SLC39A10: variants seen among roughly 807,000 people sequenced by gnomAD.
SLC39A10 encodes solute carrier family 39 member 10.
Under a neutral mutation model 65.1 loss-of-function variants are expected in SLC39A10, and 13 were observed. The observed-to-expected ratio is 0.20, with a 90% CI of 0.13 to 0.32. SLC39A10 has a LOEUF of 0.32. SLC39A10 is among the 10% of genes least tolerant of loss of function. The pLI is 1.00. For synonymous variants in SLC39A10, 321 were observed against 342.2 expected (o/e 0.94, Z 0.68); for missense variants, 831 against 1,018.4 (o/e 0.82, Z 2.50).
At chr2:195,653,642 C>T (rs1020090002), upstream of SLC39A10, among the ~76,000 whole-genome samples, 1 of 152,192 alleles carries the variant, frequency 6.6e-6, no homozygotes, top group Non-Finnish European at 1.5e-5. Context: ...CATGTTTAAC[C>T]ATCCATTCCC....
Position 195,680,396 on chromosome 2 carries a change from A to G in SLC39A10, c.354A>G (p.Gln118=), listed in dbSNP as rs1356382115. 6.2e-6 allele frequency: 10 copies of G among 1,614,032 alleles called. No individual in the cohort carries two copies. The African/African-American group carries it at 9.3e-5, about 15-fold the overall frequency. The change falls in exon 2 of 10, where the codon CAA becomes CAG. Residue 118 remains glutamine, a synonymous_variant. Coordinates refer to ENST00000359634, the MANE Select transcript of SLC39A10 (RefSeq NM_020342.3). ...HVSHLDILAV[Q]EGKHFHSHNH... ...CTCATTTAGATATTTTGGCAGTTCA[A>G]GAGGGAAAGCATTTTCACTCACATA...
chr2:195,642,092 C>A (rs574042613), intron 2 of SLC39A10, among the ~76,000 whole-genome samples: 1 of 151,898 alleles, frequency 6.6e-6, no homozygotes, highest in African/African-American at 2.4e-5. Flanking sequence ...ATTGTTTAAC[C>A]CGAGGGTTAT....
At chr2:195,681,186 G>A in intron 2 of SLC39A10, 136 bp downstream of exon 2, 2 of 907,428 alleles carry the variant, frequency 2.2e-6, no homozygotes, top group South Asian at 3.6e-5. Context: ...TGAAATATCA[G>A]GTAATGTTCA....
chr2:195,614,518 C>A (rs1293180763), intron 2 of SLC39A10, among the ~76,000 whole-genome samples: 5 of 152,116 alleles, frequency 3.3e-5, no homozygotes, highest in Non-Finnish European at 5.9e-5. Flanking sequence ...CAACCCTTAC[C>A]CACTTTGAGC....
chr2:195,673,667 T>G (rs1332106340), intron 1 of SLC39A10, among the ~76,000 whole-genome samples: 2 of 152,204 alleles, frequency 1.3e-5, no homozygotes, highest in East Asian at 3.9e-4. Flanking sequence ...GTCCTATCCC[T>G]AATGTTTCTG....
At chr2:195,675,270 A>C (rs1389863602) in intron 1 of SLC39A10, among the ~76,000 whole-genome samples, 2 of 152,108 alleles carry the variant, frequency 1.3e-5, no homozygotes, top group African/African-American at 4.8e-5. Flanking sequence ...TTATCTTGGG[A>C]CTCTGAGGGT....
At chr2:195,694,004 A>G (rs948184037) in intron 3 of SLC39A10, among the ~76,000 whole-genome samples, 2 of 152,166 alleles carry the variant, frequency 1.3e-5, no homozygotes, top group Non-Finnish European at 2.9e-5. Context: ...TTGTGTCACT[A>G]TTATCGCTCA....
chr2:195,722,481 T>A (rs1255054604), intron 8 of SLC39A10, among the ~76,000 whole-genome samples: 3 of 152,212 alleles, frequency 2.0e-5, no homozygotes, highest in African/African-American at 7.2e-5. Flanking sequence ...AGTTTTTGCC[T>A]TAAGGCACAG....
intron 1 of SLC39A10, among the ~76,000 whole-genome samples, chr2:195,664,669 A>C (rs1370509665): frequency 6.6e-6 from 1 of 152,162 alleles, no homozygotes; most frequent in Non-Finnish European, 1.5e-5. Flanking sequence ...TTTATTTAAA[A>C]ATTTATAATA....
intron 1 of SLC39A10, among the ~76,000 whole-genome samples, chr2:195,662,262 C>G (rs1315281924): frequency 6.7e-6 from 1 of 149,438 alleles, no homozygotes; most frequent in East Asian, 1.9e-4. Flanking sequence ...ATGTATCCTA[C>G]TGTGGTGTTC....
chr2:195,617,513 G>T (rs964768336), intron 2 of SLC39A10, among the ~76,000 whole-genome samples: 2 of 151,914 alleles, frequency 1.3e-5, no homozygotes, highest in African/African-American at 4.8e-5. Flanking sequence ...AGTGAGCCGG[G>T]ATTGTGCCAC....
intron 9 of SLC39A10, among the ~76,000 whole-genome samples, chr2:195,731,315 G>A (rs576644709): frequency 1.3e-5 from 2 of 152,214 alleles, no homozygotes; most frequent in South Asian, 2.1e-4. Flanking sequence ...TTTTCCTGCA[G>A]ACGTCCTCAT....
chr2:195,696,606 G>A (rs897114087), intron 3 of SLC39A10, among the ~76,000 whole-genome samples: 10 of 151,992 alleles, frequency 6.6e-5, no homozygotes, highest in African/African-American at 2.2e-4. Flanking sequence ...AACGTGGGGG[G>A]ATTAGCAGTG....
At chr2:195,630,488 C>G (rs887175770) in intron 2 of SLC39A10, among the ~76,000 whole-genome samples, 4 of 152,136 alleles carry the variant, frequency 2.6e-5, no homozygotes, top group African/African-American at 9.7e-5. Flanking sequence ...GACATCAGCA[C>G]TCCTTTGCCC....
At chr2:195,695,936 T>G (rs2105794432) in intron 3 of SLC39A10, among the ~76,000 whole-genome samples, 1 of 152,322 alleles carries the variant, frequency 6.6e-6, no homozygotes, top group East Asian at 1.9e-4. Flanking sequence ...ATTTAGGTAT[T>G]TGATTCATTT....
chr2:195,633,745 G>A (rs936193323), intron 2 of SLC39A10, among the ~76,000 whole-genome samples: 2 of 152,120 alleles, frequency 1.3e-5, no homozygotes, highest in Admixed American at 6.6e-5. Flanking sequence ...CTGAAGTCCC[G>A]CTGTCGAGCT....
chr2:195,649,050 T>C (rs920536249), intron 2 of SLC39A10, among the ~76,000 whole-genome samples: 1 of 152,146 alleles, frequency 6.6e-6, no homozygotes, highest in African/African-American at 2.4e-5. Context: ...AAGCCAAGCA[T>C]GATGGGTCGC....
intron 2 of SLC39A10, among the ~76,000 whole-genome samples, chr2:195,640,169 G>A (rs1297551269): frequency 1.3e-5 from 2 of 152,090 alleles, no homozygotes; most frequent in Admixed American, 6.5e-5. Context: ...ACAGTACGTT[G>A]AGAAGTAAAT....
At chr2:195,718,476 T>A (rs1411390520) in intron 8 of SLC39A10, 144 bp downstream of exon 8, 5 of 532,986 alleles carry the variant, frequency 9.4e-6, no homozygotes, top group Non-Finnish European at 1.7e-5. Context: ...TACTTCATGA[T>A]GTTAAAATAT....
Sources: gnomAD v4.1 joint callset for allele counts (sites outside exome capture counted in the v4.1 genomes callset) on GRCh38, gnomAD v4.1.1 for gene constraint, MANE v1.5 for transcripts, NCBI Gene and HGNC (gene_info 2026-07-23, HGNC 2026-07-21) for gene names.